The following SYT16 variants were observed in gnomAD, a reference collection of about 807,000 sequenced individuals.
The protein encoded by SYT16 is synaptotagmin 16.
SYT16 carries 42 observed loss-of-function variants against 61.4 expected under a neutral mutation model. The ratio of observed to expected loss-of-function variants is 0.68; its 90% CI spans 0.53 to 0.89. The LOEUF is 0.89. Ranked by LOEUF, SYT16 falls within the 40% of genes least tolerant of loss-of-function variation. The pLI is 0.00. For synonymous variants in SYT16, 314 were observed against 302.3 expected, an observed-to-expected ratio of 1.04 and a Z score of -0.40; for missense variants, 804 against 807.3, an observed-to-expected ratio of 1.00 and a Z score of 0.05.
At chr14:62,071,179 G>C (rs1186910720) in intron 4 of SYT16, among the ~76,000 whole-genome samples, 3 of 152,094 alleles carry the variant, frequency 2.0e-5, no homozygotes, top group Non-Finnish European at 4.4e-5. Flanking sequence ...CCCCTCTCTT[G>C]GCTTTTCTCT....
intron 1 of SYT16, among the ~76,000 whole-genome samples, chr14:61,839,924 G>A (rs762428063): frequency 2.7e-5 from 4 of 150,366 alleles, no homozygotes; most frequent in Non-Finnish European, 5.9e-5. Flanking sequence ...GAGGGGAGGG[G>A]AGCAGAAGAG....
intron 1 of SYT16, among the ~76,000 whole-genome samples, chr14:61,965,365 C>T (rs1426659437): frequency 6.6e-6 from 1 of 152,148 alleles, no homozygotes; most frequent in Non-Finnish European, 1.5e-5. Context: ...ACTAAGTACT[C>T]ATAAGCACAG....
chr14:62,069,477 C>T, intron 3 of SYT16, 126 bp from the exon 4 acceptor site: 1 of 936,306 alleles, frequency 1.1e-6, no homozygotes, highest in Non-Finnish European at 1.6e-6. Flanking sequence ...TTTTTCTATC[C>T]AGTTTGAGTG....
rs565261055 is a variant in SYT16, at chr14:62,086,711, CA to C, written c.1624+2329del. Among the ~76,000 whole-genome samples the C allele has an allele frequency of 2.6e-4, 40 of 151,904 alleles. No individual in the cohort carries two copies. The South Asian group carries it at 3.3e-3, about 13-fold the overall frequency. ...AATTCCTGTAACAAATATTTAAAACCAAATAGGAAAAAAAGGCAAGTCCTAA... is the reference window on the plus strand; with the variant it reads ...AATTCCTGTAACAAATATTTAAAACCAATAGGAAAAAAAGGCAAGTCCTAA... On this transcript the variant is annotated intron_variant, in intron 7 of 7. Coordinates refer to ENST00000683842, the MANE Select transcript of SYT16 (RefSeq NM_001367656.1).
intron 5 of SYT16, among the ~76,000 whole-genome samples, chr14:62,079,679 C>T (rs1303696943): frequency 6.6e-6 from 1 of 152,186 alleles, no homozygotes; most frequent in East Asian, 1.9e-4. Flanking sequence ...TAAATAAGAA[C>T]TGGTTTGCAA....
chr14:61,829,867 G>T (rs972295591), intron 1 of SYT16, among the ~76,000 whole-genome samples: 20 of 152,034 alleles, frequency 1.3e-4, no homozygotes, highest in African/African-American at 4.3e-4. Flanking sequence ...TGTTAGCCAG[G>T]ATGGTCTCGA....
chr14:61,925,398 A>G (rs2049495593), intron 1 of SYT16, among the ~76,000 whole-genome samples: 1 of 146,828 alleles, frequency 6.8e-6, no homozygotes, highest in Non-Finnish European at 1.5e-5. Flanking sequence ...GATTAGTATC[A>G]AATCATGTGT....
intron 3 of SYT16, among the ~76,000 whole-genome samples, chr14:62,022,760 T>C (rs187678993): frequency 3.4e-4 from 52 of 152,270 alleles, no homozygotes; most frequent in Middle Eastern, 6.8e-3. Flanking sequence ...TAATCTGCCA[T>C]TGGGTTCATC....
intron 3 of SYT16, among the ~76,000 whole-genome samples, chr14:62,004,499 C>T (rs1462302942): frequency 2.0e-5 from 3 of 152,066 alleles, no homozygotes; most frequent in Non-Finnish European, 4.4e-5. Context: ...AGATCTTAAT[C>T]AAGGGTAGCA....
rs947061725 is a variant in SYT16, at chr14:61,960,268, T to C, written c.-324-9864T>C. On this transcript the variant is annotated intron_variant, in intron 1 of 7. Coordinates refer to ENST00000683842, the MANE Select transcript of SYT16 (RefSeq NM_001367656.1). ...CACTGGTAGTTTGATAGAAATAACA[T>C]TGAATCTATAAATTGCTTTGGGCAG... Among the ~76,000 whole-genome samples, 5 of 152,330 alleles carry C rather than the reference T, an allele frequency of 3.3e-5. No homozygotes were observed. In the East Asian group the frequency reaches 7.7e-4, roughly 23 times the overall value.
intron 1 of SYT16, among the ~76,000 whole-genome samples, chr14:61,962,920 T>C (rs1163328549): frequency 6.6e-6 from 1 of 152,208 alleles, no homozygotes; most frequent in Non-Finnish European, 1.5e-5. Context: ...TTAGTCTATT[T>C]GTGTTTTCTT....
At chr14:62,088,765 C>G (rs929569430) in intron 7 of SYT16, among the ~76,000 whole-genome samples, 1 of 151,966 alleles carries the variant, frequency 6.6e-6, no homozygotes, top group Non-Finnish European at 1.5e-5. Context: ...ATAAAACAAT[C>G]GAAAACTTAA....
At chr14:61,851,780 G>A (rs915742662) in intron 1 of SYT16, among the ~76,000 whole-genome samples, 1 of 152,070 alleles carries the variant, frequency 6.6e-6, no homozygotes, top group Non-Finnish European at 1.5e-5. Context: ...TTGCAAATTT[G>A]TTTAAGTTCC....
chr14:61,934,893 T>G (rs2049916179), intron 1 of SYT16, among the ~76,000 whole-genome samples: 1 of 152,216 alleles, frequency 6.6e-6, no homozygotes, highest in South Asian at 2.1e-4. Context: ...TAAAACTTTG[T>G]GGCTTGGGTA....
chr14:61,903,367 G>A (rs1001997454), intron 1 of SYT16, among the ~76,000 whole-genome samples: 4 of 151,666 alleles, frequency 2.6e-5, no homozygotes, highest in Non-Finnish European at 4.4e-5. Flanking sequence ...TGTGGCTTCC[G>A]CCTTATTCGT....
At chr14:61,900,893 G>C (rs1049854180) in intron 1 of SYT16, among the ~76,000 whole-genome samples, 10 of 152,202 alleles carry the variant, frequency 6.6e-5, no homozygotes, top group Non-Finnish European at 1.5e-5. Flanking sequence ...AAGGAAATAG[G>C]TGTGTGGGGC....
chr14:61,950,337 G>A (rs1191050649), intron 1 of SYT16, among the ~76,000 whole-genome samples: 2 of 152,128 alleles, frequency 1.3e-5, no homozygotes, highest in African/African-American at 4.8e-5. Flanking sequence ...TCTTTTAGAT[G>A]GGCCTGTAGT....
At chr14:61,846,849 A>C (rs1159471207) in intron 1 of SYT16, among the ~76,000 whole-genome samples, 2 of 152,138 alleles carry the variant, frequency 1.3e-5, no homozygotes, top group South Asian at 4.1e-4. Context: ...GGAAGTTACC[A>C]TGAGGCTTGC....
At chr14:61,993,603 C>T (rs2052646046) in intron 2 of SYT16, among the ~76,000 whole-genome samples, 2 of 151,874 alleles carry the variant, frequency 1.3e-5, no homozygotes, top group Admixed American at 1.3e-4. Context: ...CCTTGTAAAT[C>T]TGTGACGCAC....
Sources: gnomAD v4.1 joint callset for allele counts (sites outside exome capture counted in the v4.1 genomes callset) on GRCh38, gnomAD v4.1.1 for gene constraint, MANE v1.5 for transcripts, NCBI Gene and HGNC (gene_info 2026-07-23, HGNC 2026-07-21) for gene names.